Variants in CCBE1 observed in about 807,000 individuals in gnomAD.
CCBE1 encodes the protein collagen and calcium-binding EGF domain-containing protein 1.
Under a neutral mutation model 50.0 loss-of-function variants are expected in CCBE1, and 37 were observed. That is an observed-to-expected ratio of 0.74 (90% CI 0.57 to 0.97). The LOEUF is 0.97. CCBE1 is among the 50% of genes least tolerant of loss of function. The pLI, the probability that CCBE1 is intolerant of heterozygous loss-of-function variation, is 0.00. For synonymous variants in CCBE1, 234 were observed against 203.7 expected (o/e 1.15, Z -1.27); for missense variants, 538 against 523.8 (o/e 1.03, Z -0.26).
Position 59,502,368 on chromosome 18 carries a change from A to T in CCBE1, c.213-22130T>A, listed in dbSNP as rs1040708787. Reference sequence around the variant, plus strand: ...CTTTTTTGTGTGTGAGGTAAGAGTCATATGTGTGTCATCCTCTGATTTGGG... The same window carrying T: ...CTTTTTTGTGTGTGAGGTAAGAGTCTTATGTGTGTCATCCTCTGATTTGGG... On this transcript the variant is annotated intron_variant, in intron 2 of 10. Transcript: ENST00000439986. Among the ~76,000 whole-genome samples the T allele has an allele frequency of 2.0e-5, 3 of 152,180 alleles. No homozygotes were observed. The South Asian group carries it at 6.2e-4, about 32-fold the overall frequency.
chr18:59,628,189 C>A (rs1227962510), intron 2 of CCBE1, among the ~76,000 whole-genome samples: 1 of 152,144 alleles, frequency 6.6e-6, no homozygotes, highest in Non-Finnish European at 1.5e-5. Flanking sequence ...TGCACTCCAG[C>A]CTGGGCAACA....
chr18:59,566,245 G>A lies in CCBE1; in HGVS notation c.213-86007C>T, dbSNP rs149532598. Among the ~76,000 whole-genome samples the A allele has an allele frequency of 2.1e-3, 323 of 152,202 alleles. 6 individuals are homozygous for A. In the East Asian group the frequency reaches 0.031, roughly 14 times the overall value. On this transcript the variant is annotated intron_variant, in intron 2 of 10. Transcript: ENST00000439986. ...GGTGACACACAATGTCTCTTCCAGG[G>A]CCATTCATAACATAACCATTTTCAT...
At chr18:59,571,254 A>T (rs905291732) in intron 2 of CCBE1, among the ~76,000 whole-genome samples, 8 of 152,136 alleles carry the variant, frequency 5.3e-5, no homozygotes, top group African/African-American at 1.9e-4. Flanking sequence ...TCTTGCTTTT[A>T]AAAAAATTAG....
chr18:59,696,877 A>C (rs1469727141), intron 1 of CCBE1, among the ~76,000 whole-genome samples, 168 bp from the exon 2 acceptor site: 1 of 152,114 alleles, frequency 6.6e-6, no homozygotes, highest in Non-Finnish European at 1.5e-5. Context: ...GGCCACAGGG[A>C]CGAGCCACGC....
At chr18:59,468,835 AG>A (rs1220136047) in intron 4 of CCBE1, among the ~76,000 whole-genome samples, 1 of 88,022 alleles carries the variant, frequency 1.1e-5, no homozygotes, top group South Asian at 5.8e-4. Context: ...AGAAAAGGCC[AG>A]GTTTTTTTTT....
intron 2 of CCBE1, among the ~76,000 whole-genome samples, chr18:59,535,572 T>A (rs1235033958): frequency 2.6e-5 from 4 of 152,132 alleles, no homozygotes; most frequent in Non-Finnish European, 4.4e-5. Flanking sequence ...AACTGAGAAA[T>A]TCAAGTATAT....
chr18:59,545,198 A>G (rs1178990597), intron 2 of CCBE1, among the ~76,000 whole-genome samples: 1 of 152,178 alleles, frequency 6.6e-6, no homozygotes, highest in Non-Finnish European at 1.5e-5. Context: ...TCTCGCTGTA[A>G]ATATATGCAT....
intron 2 of CCBE1, among the ~76,000 whole-genome samples, chr18:59,489,263 A>T (rs1478369629): frequency 6.6e-6 from 1 of 152,188 alleles, no homozygotes; most frequent in African/African-American, 2.4e-5. Flanking sequence ...GCTGGTTCTG[A>T]CAGTCCTCTC....
chr18:59,582,320 C>T (rs1428015679), intron 2 of CCBE1, among the ~76,000 whole-genome samples: 1 of 152,164 alleles, frequency 6.6e-6, no homozygotes, highest in African/African-American at 2.4e-5. Context: ...TGAAACCATG[C>T]CACTTCCACT....
At chr18:59,519,004 G>A (rs1296415205) in intron 2 of CCBE1, among the ~76,000 whole-genome samples, 2 of 152,194 alleles carry the variant, frequency 1.3e-5, no homozygotes, top group Non-Finnish European at 2.9e-5. Flanking sequence ...TCTACTGGCT[G>A]ACTTCCCTGC....
upstream of CCBE1, chr18:59,697,440 G>A: frequency 6.8e-7 from 1 of 1,472,806 alleles, no homozygotes; most frequent in Non-Finnish European, 9.0e-7. Context: ...CCCGGCAGGG[G>A]GCGCCGGAGA....
chr18:59,621,450 A>G (rs749132293), intron 2 of CCBE1, among the ~76,000 whole-genome samples: 1 of 152,224 alleles, frequency 6.6e-6, no homozygotes, highest in Non-Finnish European at 1.5e-5. Context: ...AGCTGCTCAT[A>G]GATGAGATTC....
intron 2 of CCBE1, among the ~76,000 whole-genome samples, chr18:59,495,410 T>TCC (rs57747927): frequency 0.029 from 4,228 of 144,910 alleles, 213 homozygotes; most frequent in African/African-American, 0.1. Context: ...TTTTTTTTTT[T>TCC]CCAGAGCGGG....
intron 2 of CCBE1, among the ~76,000 whole-genome samples, chr18:59,513,877 A>C (rs1362876014): frequency 6.6e-6 from 1 of 152,082 alleles, no homozygotes; most frequent in African/African-American, 2.4e-5. Flanking sequence ...GTCTCCCAGG[A>C]AGCAGGGGGA....
intron 2 of CCBE1, among the ~76,000 whole-genome samples, chr18:59,575,141 G>A (rs2052974682): frequency 6.6e-6 from 1 of 152,122 alleles, no homozygotes; most frequent in Non-Finnish European, 1.5e-5. Flanking sequence ...AATCTTCCAG[G>A]CAGTTCTCTG....
intron 2 of CCBE1, among the ~76,000 whole-genome samples, chr18:59,537,308 G>C (rs1432906040): frequency 6.6e-6 from 1 of 152,148 alleles, no homozygotes; most frequent in African/African-American, 2.4e-5. Flanking sequence ...AAGTGTGGCT[G>C]ATATGGTTTG....
In CCBE1 at chr18:59,611,410, T is replaced by C. The variant is rs949267566; in HGVS notation, c.212+85219A>G. Among the ~76,000 whole-genome samples the C allele has an allele frequency of 1.3e-5, 2 of 152,222 alleles. 1 individual carries two copies. Among genetic ancestry groups the C allele is most frequent in the Non-Finnish European group, 2.9e-5 (2 of 68,034 alleles). ...AAAGACCATGATTCAAAACACATTT[T>C]AGGAGAAGCCCACACATGAGTGAAG... is the stretch of plus-strand genomic sequence containing the variant. On this transcript the variant is annotated intron_variant, in intron 2 of 10. Coordinates refer to ENST00000439986, the MANE Select transcript of CCBE1 (RefSeq NM_133459.4).
intron 2 of CCBE1, among the ~76,000 whole-genome samples, chr18:59,521,024 T>C (rs561913943): frequency 1.1e-4 from 16 of 152,366 alleles, no homozygotes; most frequent in African/African-American, 3.8e-4. Context: ...ATGCTGAAAT[T>C]CTCCAGTTAC....
chr18:59,447,932 G>T lies in CCBE1; in HGVS notation c.775+51C>A, dbSNP rs367588004. ...AGGCCCCAGCAAATGTGAGCTTTTG[G>T]CAGGCTTTTTCTGTTGGTGATCACC... On this transcript the variant is annotated intron_variant, in intron 7 of 10. Transcript: ENST00000439986. 7.6e-4 allele frequency: 1,231 copies of T among 1,612,338 alleles called. 1 individual carries two copies. Among genetic ancestry groups the T allele is most frequent in the Non-Finnish European group, 8.4e-4 (994 of 1,179,660 alleles).
Sources: allele counts gnomAD v4.1 joint callset (sites outside exome capture counted in the v4.1 genomes callset), GRCh38; gene constraint gnomAD v4.1.1; transcripts MANE v1.5; gene names NCBI Gene and HGNC (gene_info 2026-07-23, HGNC 2026-07-21).